Variants in HLTF observed in about 807,000 individuals in gnomAD.
The protein encoded by HLTF is DNA-dependent ATPase/E3 ubiquitin-protein ligase HLTF.
HLTF carries 127 observed loss-of-function variants against 129.4 expected under a neutral mutation model. The observed-to-expected ratio is 0.98, with a 90% CI of 0.85 to 1.14. The LOEUF is 1.14. HLTF is among the 50% of genes most tolerant of loss of function. The probability of loss-of-function intolerance (pLI) is 0.00; values close to 1 mark genes in which losing one functional copy is unlikely to be tolerated. For missense variants in HLTF, 1,139 were observed against 1,187.1 expected, an observed-to-expected ratio of 0.96 and a Z score of 0.60; for synonymous variants, 332 against 388.8, an observed-to-expected ratio of 0.85 and a Z score of 1.72.
At chr3:149,052,840 A>C (rs1461115710) in intron 14 of HLTF, among the ~76,000 whole-genome samples, 1 of 152,210 alleles carries the variant, frequency 6.6e-6, no homozygotes, top group African/African-American at 2.4e-5. Flanking sequence ...ATTATTTGTA[A>C]AGGGATTACA....
chr3:149,077,891 C>T (rs1019992061), intron 2 of HLTF, among the ~76,000 whole-genome samples: 3 of 151,954 alleles, frequency 2.0e-5, no homozygotes, highest in East Asian at 1.9e-4. Flanking sequence ...ATCAGCTGAC[C>T]GCTAAGCTAA....
intron 13 of HLTF, among the ~76,000 whole-genome samples, chr3:149,057,377 G>C (rs1717553798): frequency 6.6e-6 from 1 of 152,098 alleles, no homozygotes; most frequent in Non-Finnish European, 1.5e-5. Context: ...AGTGCGCCGT[G>C]ATCGCACCAC....
intron 23 of HLTF, among the ~76,000 whole-genome samples, chr3:149,036,747 C>T (rs1037889004): frequency 6.6e-6 from 1 of 151,454 alleles, no homozygotes; most frequent in African/African-American, 2.4e-5. Context: ...GACCCTGTCT[C>T]TTAAAAAAAG....
intron 10 of HLTF, 26 bp downstream of exon 10, chr3:149,063,405 G>A: frequency 7.3e-7 from 1 of 1,363,574 alleles, no homozygotes; most frequent in African/African-American, 1.4e-5. Context: ...ATAAACATAT[G>A]ACATAATCAA....
intron 20 of HLTF, among the ~76,000 whole-genome samples, chr3:149,040,946 C>T (rs915633718): frequency 6.6e-6 from 1 of 152,062 alleles, no homozygotes; most frequent in Non-Finnish European, 1.5e-5. Context: ...ACAGACTAGT[C>T]AACTTCAAAA....
intron 4 of HLTF, 66 bp downstream of exon 4, chr3:149,074,149 A>T (rs1271850368): frequency 6.7e-7 from 1 of 1,483,294 alleles, no homozygotes; most frequent in Non-Finnish European, 9.1e-7. Context: ...CCAAGAGAGA[A>T]TAAATGTTTC....
At position 149,049,010 on chromosome 3, in the gene HLTF, A is replaced by T; in HGVS notation, c.1618-9T>A. 1 of 1,572,786 alleles carries T rather than the reference A, an allele frequency of 6.4e-7. No individual in the cohort carries two copies. The highest frequency in any genetic ancestry group is 8.7e-7 in the Non-Finnish European group (1 of 1,147,874). On this transcript the variant is annotated splice_polypyrimidine_tract_variant and intron_variant, in intron 15 of 24. Transcript: ENST00000310053. Reference sequence around the variant, plus strand: ...GGACTATCTCCTTTAGTCTGAAATAAATGTTTTATATGAATTAAAAAACAC... The same window carrying T: ...GGACTATCTCCTTTAGTCTGAAATATATGTTTTATATGAATTAAAAAACAC...
intron 14 of HLTF, among the ~76,000 whole-genome samples, chr3:149,053,839 T>C (rs1038026361): frequency 2.0e-5 from 3 of 152,192 alleles, no homozygotes; most frequent in African/African-American, 7.2e-5. Flanking sequence ...AGATAGTTTA[T>C]ACCTCCATTA....
intron 2 of HLTF, among the ~76,000 whole-genome samples, chr3:149,078,837 A>G (rs1719623236): frequency 6.6e-6 from 1 of 150,500 alleles, no homozygotes; most frequent in African/African-American, 2.5e-5. Context: ...AGCCTGGGCG[A>G]CAAAGCAAGA....
intron 24 of HLTF, 60 bp from the exon 25 acceptor site, chr3:149,032,432 T>TA (rs1209909306): frequency 4.7e-6 from 5 of 1,059,462 alleles, no homozygotes; most frequent in East Asian, 2.8e-5. Flanking sequence ...AAATCTTTAT[T>TA]AAAAAAACTA....
At chr3:149,039,725 C>A in intron 21 of HLTF, 32 bp from the exon 22 acceptor site, 1 of 1,122,800 alleles carries the variant, frequency 8.9e-7, no homozygotes, top group Admixed American at 2.4e-5. Context: ...CCATTAGATT[C>A]CATTTTAAAT....
chr3:149,055,237 G>T, intron 14 of HLTF, 66 bp downstream of exon 14: 1 of 1,145,216 alleles, frequency 8.7e-7, no homozygotes, highest in Non-Finnish European at 1.3e-6. Flanking sequence ...CTCTTTAACA[G>T]AATACTTTCT....
intron 2 of HLTF, among the ~76,000 whole-genome samples, chr3:149,077,272 A>T (rs150444896): frequency 0.28 from 41,239 of 149,522 alleles, 6,691 homozygotes; most frequent in Middle Eastern, 0.45. Flanking sequence ...ATAAATAAAT[A>T]AATAAATAAA....
intron 24 of HLTF, among the ~76,000 whole-genome samples, chr3:149,034,519 CACA>C (rs1018946467): frequency 1.3e-5 from 2 of 151,984 alleles, no homozygotes; most frequent in African/African-American, 4.8e-5. Flanking sequence ...ATGGCTGTTG[CACA>C]ACAACATGAA....
Position 149,046,503 on chromosome 3 carries a change from T to A in HLTF, c.1893-244A>T, listed in dbSNP as rs192623414. ...CCTAACATAGTTTAATCTTTTTATA[T>A]CCTGTCCTTATTTTCGTAAGTTCTG... On this transcript the variant is annotated intron_variant, in intron 17 of 24. Transcript: ENST00000310053. 6.6e-5 allele frequency among the ~76,000 whole-genome samples: 10 copies of A among 152,268 alleles called. No homozygotes were observed. The East Asian group carries it at 1.7e-3, about 26-fold the overall frequency.
chr3:149,038,915 GTTATT>G, intron 23 of HLTF, 129 bp downstream of exon 23: 1 of 531,310 alleles, frequency 1.9e-6, no homozygotes, highest in Non-Finnish European at 3.2e-6. Flanking sequence ...CTAAGTTTTT[GTTATT>G]TATTTCTAAA....
At chr3:149,061,847 A>AAAAAG (rs1178084283) in intron 10 of HLTF, among the ~76,000 whole-genome samples, 1 of 151,794 alleles carries the variant, frequency 6.6e-6, no homozygotes, top group Non-Finnish European at 1.5e-5. Flanking sequence ...AAAAAAAAAA[A>AAAAAG]AAAAGAAAAG....
Position 149,084,850 on chromosome 3 carries a change from T to A in HLTF, c.60A>T (p.Gly20=). The A allele has an allele frequency of 6.2e-7, 1 of 1,613,976 alleles. No homozygotes were observed. The highest frequency in any genetic ancestry group is 1.1e-5 in the South Asian group (1 of 91,076). The change falls in exon 2 of 25, where the codon GGA becomes GGT. Residue 20 remains glycine (G), a synonymous_variant. Coordinates refer to ENST00000310053, the MANE Select transcript of HLTF (RefSeq NM_003071.4). ...AGAGGCGTGGAAAATTTCCATGAAC[T>A]CCATACTGGACAGTCTGCAAGTACT... ...VWKYLQTVQY[G]VHGNFPRLSY... is the part of the protein sequence containing the mutation.
At chr3:149,058,546 G>C (rs886312453) in intron 13 of HLTF, among the ~76,000 whole-genome samples, 4 of 152,088 alleles carry the variant, frequency 2.6e-5, no homozygotes, top group African/African-American at 9.7e-5. Flanking sequence ...CCTTTTGTCA[G>C]TTACACTTAA....
Sources: gnomAD v4.1 joint callset for allele counts (sites outside exome capture counted in the v4.1 genomes callset) on GRCh38, gnomAD v4.1.1 for gene constraint, MANE v1.5 for transcripts, NCBI Gene and HGNC (gene_info 2026-07-23, HGNC 2026-07-21) for gene names.